Variants in POU6F2 observed in about 807,000 individuals in gnomAD.
POU6F2 encodes the protein POU class 6 homeobox 2, also known as POU domain, class 6, transcription factor 2.
Under a neutral mutation model 71.3 loss-of-function variants are expected in POU6F2, and 31 were observed. The ratio of observed to expected loss-of-function variants is 0.43; its 90% CI spans 0.33 to 0.59. The LOEUF (loss-of-function observed/expected upper bound fraction) is 0.59. POU6F2 is among the 20% of genes least tolerant of loss of function. The pLI is 0.04. For synonymous variants in POU6F2, 347 were observed against 355.7 expected, an observed-to-expected ratio of 0.98 and a Z score of 0.27; for missense variants, 783 against 856.8, an observed-to-expected ratio of 0.91 and a Z score of 1.07.
At chr7:39,230,294 C>T (rs1033362011) in intron 4 of POU6F2, among the ~76,000 whole-genome samples, 1 of 152,012 alleles carries the variant, frequency 6.6e-6, no homozygotes, top group Non-Finnish European at 1.5e-5. Flanking sequence ...ACCTGAGCAA[C>T]ATAGTGAGAC....
intron 4 of POU6F2, among the ~76,000 whole-genome samples, chr7:39,223,784 C>T (rs189655674): frequency 1.2e-4 from 18 of 152,298 alleles, no homozygotes; most frequent in African/African-American, 3.8e-4. Context: ...GCTACTCTCT[C>T]ATCAGTTTGA....
At chr7:39,053,799 C>T (rs1287803697) in intron 1 of POU6F2, among the ~76,000 whole-genome samples, 1 of 151,752 alleles carries the variant, frequency 6.6e-6, no homozygotes, top group Non-Finnish European at 1.5e-5. Flanking sequence ...AATAGAACAA[C>T]AAAATGAAAT....
intron 2 of POU6F2, among the ~76,000 whole-genome samples, chr7:39,144,209 T>C (rs1792566252): frequency 6.6e-6 from 1 of 152,198 alleles, no homozygotes; most frequent in African/African-American, 2.4e-5. Flanking sequence ...AGTCACAGGA[T>C]AAATAATATA....
chr7:39,337,718 C>T (rs550429757), intron 4 of POU6F2, among the ~76,000 whole-genome samples: 1 of 152,266 alleles, frequency 6.6e-6, no homozygotes, highest in South Asian at 2.1e-4. Context: ...ATATATGCCC[C>T]TCCTGCTTTC....
At chr7:39,351,902 T>A (rs1786146158) in intron 5 of POU6F2, among the ~76,000 whole-genome samples, 1 of 152,226 alleles carries the variant, frequency 6.6e-6, no homozygotes. Context: ...CTTGTTAGTC[T>A]TTTCTCATGG....
chr7:39,185,165 T>C (rs1303385256), intron 2 of POU6F2, among the ~76,000 whole-genome samples: 1 of 152,026 alleles, frequency 6.6e-6, no homozygotes, highest in African/African-American at 2.4e-5. Flanking sequence ...CAAGTACACT[T>C]CAGTGTAAAG....
chr7:39,299,208 T>A (rs1784908469), intron 4 of POU6F2, among the ~76,000 whole-genome samples: 1 of 152,168 alleles, frequency 6.6e-6, no homozygotes, highest in Non-Finnish European at 1.5e-5. Flanking sequence ...AATTAAATTT[T>A]AAAAAATTTA....
At chr7:39,186,556 C>T (rs1793544018) in intron 2 of POU6F2, among the ~76,000 whole-genome samples, 1 of 152,206 alleles carries the variant, frequency 6.6e-6, no homozygotes, top group Non-Finnish European at 1.5e-5. Flanking sequence ...ATAGATTCCT[C>T]AGCACCAACC....
chr7:39,150,008 C>CCCG (rs1792717389), intron 2 of POU6F2, among the ~76,000 whole-genome samples: 2 of 152,050 alleles, frequency 1.3e-5, no homozygotes, highest in South Asian at 4.1e-4. Flanking sequence ...GCCTCAGCCT[C>CCCG]CCGAGTAGCT....
chr7:39,428,178 G>A (rs988812299), intron 6 of POU6F2, among the ~76,000 whole-genome samples: 4 of 152,208 alleles, frequency 2.6e-5, no homozygotes, highest in Admixed American at 2.6e-4. Flanking sequence ...TTATGGAAAT[G>A]GGGATCTTTC....
At chr7:39,075,178 G>C (rs540963873) in intron 1 of POU6F2, among the ~76,000 whole-genome samples, 1 of 152,248 alleles carries the variant, frequency 6.6e-6, no homozygotes, top group South Asian at 2.1e-4. Context: ...ATTGCCACAT[G>C]ACAGAAAATT....
At chr7:39,335,383 C>T (rs910484475) in intron 4 of POU6F2, among the ~76,000 whole-genome samples, 15 of 152,160 alleles carry the variant, frequency 9.9e-5, no homozygotes, top group African/African-American at 3.4e-4. Context: ...TACACTTTCC[C>T]AGGAGCCGAA....
chr7:39,020,321 C>T (rs550514206), intron 1 of POU6F2, among the ~76,000 whole-genome samples: 1 of 152,284 alleles, frequency 6.6e-6, no homozygotes, highest in South Asian at 2.1e-4. Context: ...ACTCAAATAT[C>T]TACTTCAAGA....
Position 39,130,733 on chromosome 7 carries a change from G to T in POU6F2, c.277+44702G>T, listed in dbSNP as rs180773376. Reference sequence around the variant, plus strand: ...TTTGTTTAAAAAACATCTCTTCTGGGCCATGTCCTCAAATGTGCCTGCATT... The same window carrying T: ...TTTGTTTAAAAAACATCTCTTCTGGTCCATGTCCTCAAATGTGCCTGCATT... On this transcript the variant is annotated intron_variant, in intron 2 of 9. Transcript: ENST00000518318. Among the ~76,000 whole-genome samples the T allele has an allele frequency of 2.1e-4, 32 of 152,066 alleles. No individual in the cohort carries two copies. The East Asian group carries it at 6.0e-3, about 28-fold the overall frequency.
intron 2 of POU6F2, among the ~76,000 whole-genome samples, chr7:39,170,613 T>C (rs1793198972): frequency 6.6e-6 from 1 of 152,178 alleles, no homozygotes; most frequent in Non-Finnish European, 1.5e-5. Context: ...ATAAAATTAT[T>C]AACCATTTAA....
chr7:39,336,150 A>G (rs1785773107), intron 4 of POU6F2, among the ~76,000 whole-genome samples: 2 of 152,220 alleles, frequency 1.3e-5, no homozygotes, highest in Admixed American at 1.3e-4. Context: ...CACTTTAACT[A>G]TTTAACACTT....
chr7:39,304,352 TTGAGCCAACATTTGGTG>T (rs1785012068), intron 4 of POU6F2, among the ~76,000 whole-genome samples: 1 of 152,194 alleles, frequency 6.6e-6, no homozygotes, highest in African/African-American at 2.4e-5. Context: ...TCGACATATC[TTGAGCCAACATTTGGTG>T]TGTCTCTTGG....
chr7:39,428,565 G>A lies in POU6F2; in HGVS notation c.1114-4512G>A, dbSNP rs571412678. ...AATGTTGCAACCTAGGCATAGAGTA[G>A]GCCATGCTTTTTGAATTGAAGCAAA... On this transcript the variant is annotated intron_variant, in intron 6 of 9. Coordinates refer to ENST00000518318, the MANE Select transcript of POU6F2 (RefSeq NM_001370959.1). Among the ~76,000 whole-genome samples, 22 of 152,300 alleles carry A rather than the reference G, an allele frequency of 1.4e-4. No individual in the cohort carries two copies. The South Asian group carries it at 3.1e-3, about 21-fold the overall frequency.
Position 39,367,875 on chromosome 7 carries a change from T to G in POU6F2, c.972+27860T>G, listed in dbSNP as rs566032052. 1.2e-4 allele frequency among the ~76,000 whole-genome samples: 19 copies of G among 152,332 alleles called. No individual in the cohort carries two copies. In the South Asian group the frequency reaches 3.7e-3, roughly 30 times the overall value. ...ATGGTGATCTGTGGGCAGTGATCTT[T>G]GATGTTACTATTGTAATTGTTTTGG... On this transcript the variant is annotated intron_variant, in intron 5 of 9. Transcript: ENST00000518318.
Sources: allele counts gnomAD v4.1 joint callset (sites outside exome capture counted in the v4.1 genomes callset), GRCh38; gene constraint gnomAD v4.1.1; transcripts MANE v1.5; gene names NCBI Gene and HGNC (gene_info 2026-07-23, HGNC 2026-07-21).